Variants in TCF12 observed in about 807,000 individuals in gnomAD.
TCF12 encodes the protein transcription factor 12.
In TCF12, 45 loss-of-function variants were observed where a neutral mutation model predicts 86.0. The observed-to-expected ratio is 0.52, with a 90% CI of 0.41 to 0.67. TCF12 has a LOEUF of 0.67. Among genes scored for constraint, TCF12 ranks in the 30% least tolerant of loss-of-function variants. TCF12 has a pLI of 0.00. For synonymous variants in TCF12, 330 were observed against 299.6 expected (o/e 1.10, Z -1.05); for missense variants, 881 against 859.9 (o/e 1.02, Z -0.31).
intron 4 of TCF12, among the ~76,000 whole-genome samples, chr15:57,070,453 T>C (rs1351042928): frequency 6.6e-6 from 1 of 152,164 alleles, no homozygotes; most frequent in African/African-American, 2.4e-5. Context: ...AAGCCATAGA[T>C]TGGGGCCTTG....
At chr15:56,935,176 A>G (rs1430692687) in intron 3 of TCF12, among the ~76,000 whole-genome samples, 1 of 152,188 alleles carries the variant, frequency 6.6e-6, no homozygotes, top group African/African-American at 2.4e-5. Flanking sequence ...GCTACTGGAC[A>G]TTGCAGTAGT....
intron 3 of TCF12, among the ~76,000 whole-genome samples, chr15:56,951,083 T>G (rs763369191): frequency 1.2e-4 from 19 of 152,166 alleles, no homozygotes; most frequent in Non-Finnish European, 2.6e-4. Flanking sequence ...TGCAAGTCTT[T>G]ATGTGGACAT....
At chr15:57,199,607 T>TA (rs1348459496) in intron 8 of TCF12, among the ~76,000 whole-genome samples, 2 of 152,182 alleles carry the variant, frequency 1.3e-5, no homozygotes, top group Admixed American at 1.3e-4. Flanking sequence ...CAGCATTTCT[T>TA]ACATTCGTAA....
chr15:56,950,745 G>GCTTTTTTTTTTTTTT lies in TCF12; in HGVS notation c.148+29647_148+29648insCTTTTTTTTTTTTTT, dbSNP rs1555455322. On this transcript the variant is annotated intron_variant, in intron 3 of 20. Coordinates refer to ENST00000333725, the MANE Select transcript of TCF12 (RefSeq NM_207037.2). ...TTACAAATAAAGCTATTATGACCAT[G>GCTTTTTTTTTTTTTT]TTTTTTTTTTTTTTTTTTTTTTTTT... Among the ~76,000 whole-genome samples the GCTTTTTTTTTTTTTT allele has an allele frequency of 7.0e-5, 6 of 85,922 alleles. 3 individuals carry two copies. Among genetic ancestry groups the GCTTTTTTTTTTTTTT allele is most frequent in the African/African-American group, 2.1e-4 (4 of 19,174 alleles). The allele number at this position is 85,922 out of a possible 152,430, so 56.4% of individuals were successfully genotyped here. A position where few individuals can be genotyped will look rare whatever the true frequency, so the allele number is the denominator to read the frequency against.
intron 3 of TCF12, 97 bp from the exon 4 acceptor site, chr15:57,063,653 C>A: frequency 1.1e-6 from 1 of 935,900 alleles, no homozygotes; most frequent in Non-Finnish European, 1.6e-6. Context: ...CACGAAAGCG[C>A]AAATACCACT....
intron 3 of TCF12, among the ~76,000 whole-genome samples, chr15:56,979,958 T>C (rs2062807382): frequency 6.6e-6 from 1 of 152,232 alleles, no homozygotes; most frequent in South Asian, 2.1e-4. Context: ...TTCCTTAGTA[T>C]GTCCAGCTTT....
intron 5 of TCF12, among the ~76,000 whole-genome samples, chr15:57,092,192 T>C (rs2049034237): frequency 6.6e-6 from 1 of 152,178 alleles, no homozygotes; most frequent in Non-Finnish European, 1.5e-5. Flanking sequence ...AGAGAAGTAT[T>C]GTTTTAGGGG....
At chr15:57,031,897 C>T (rs539293230) in intron 3 of TCF12, among the ~76,000 whole-genome samples, 3 of 152,274 alleles carry the variant, frequency 2.0e-5, no homozygotes, top group Non-Finnish European at 4.4e-5. Flanking sequence ...AGCTGACAGC[C>T]GTTGCATGCA....
chr15:57,219,690 C>T, intron 8 of TCF12: 4 of 947,136 alleles, frequency 4.2e-6, no homozygotes, highest in South Asian at 1.8e-5. Flanking sequence ...TTGTTTTATC[C>T]TTTTATGCAA....
intron 3 of TCF12, among the ~76,000 whole-genome samples, chr15:56,944,971 G>C (rs563690790): frequency 1.3e-5 from 2 of 152,112 alleles, no homozygotes; most frequent in African/African-American, 4.8e-5. Flanking sequence ...TGCAATACAT[G>C]AACATATCTC....
intron 8 of TCF12, chr15:57,219,375 T>G: frequency 7.7e-7 from 1 of 1,304,814 alleles, no homozygotes; most frequent in Non-Finnish European, 9.9e-7. Flanking sequence ...GTGAGTTGGT[T>G]CAGTCCTATT....
At chr15:57,035,457 G>A (rs1453932798) in intron 3 of TCF12, among the ~76,000 whole-genome samples, 1 of 152,012 alleles carries the variant, frequency 6.6e-6, no homozygotes, top group African/African-American at 2.4e-5. Context: ...TGTAGAGACG[G>A]GATCTCACTA....
At chr15:57,086,078 G>T (rs575893606) in intron 4 of TCF12, among the ~76,000 whole-genome samples, 1 of 151,886 alleles carries the variant, frequency 6.6e-6, no homozygotes, top group Admixed American at 6.6e-5. Flanking sequence ...CCCTCCCTTT[G>T]TCATTTGTTC....
chr15:57,146,027 AAAAAAC>A (rs2053337417), intron 5 of TCF12, among the ~76,000 whole-genome samples: 1 of 152,230 alleles, frequency 6.6e-6, no homozygotes, highest in Non-Finnish European at 1.5e-5. Context: ...GAGTGGAGTT[AAAAAAC>A]ATGAATGATG....
chr15:57,005,687 G>A (rs2064328416), intron 3 of TCF12, among the ~76,000 whole-genome samples: 1 of 152,042 alleles, frequency 6.6e-6, no homozygotes, highest in Non-Finnish European at 1.5e-5. Context: ...TCTTACTTCA[G>A]CCTCCTGAGT....
chr15:57,282,445 A>T lies in TCF12; in HGVS notation c.1979A>T (p.Glu660Val). 1 of 1,614,226 alleles carries T rather than the reference A, an allele frequency of 6.2e-7. No individual in the cohort carries two copies. Among genetic ancestry groups the T allele is most frequent in the Non-Finnish European group, 8.5e-7 (1 of 1,180,052 alleles). Residue 660 changes from glutamate to valine, a missense_variant and splice_region_variant, in exon 20 of 21, where the codon GAG (glutamate) becomes GTG (valine). Around this residue, in one of 3 missense-constraint regions of TCF12, gnomAD observed 69 missense variants for 64.2 expected, o/e 1.07. Coordinates refer to ENST00000333725, the MANE Select transcript of TCF12 (RefSeq NM_207037.2). ...TAAAAATTCTTTCCCCCTGTTTTAG[A>T]GAGGAACCTTAACCCCAAAGCAGCC... ...VILSLEQQVR[E>V]RNLNPKAACL... is the part of the protein sequence containing the mutation.
chr15:57,179,193 G>A (rs1237436885), intron 6 of TCF12, among the ~76,000 whole-genome samples: 2 of 152,072 alleles, frequency 1.3e-5, no homozygotes, highest in Non-Finnish European at 2.9e-5. Context: ...GTGCTAGAAA[G>A]ACTGGGCTGA....
In TCF12 at chr15:57,102,152, A is replaced by G. The variant is rs1185651317; in HGVS notation, c.325+10261A>G. 3.9e-5 allele frequency among the ~76,000 whole-genome samples: 6 copies of G among 152,220 alleles called. No individual in the cohort carries two copies. The East Asian group carries it at 7.7e-4, about 20-fold the overall frequency. On this transcript the variant is annotated intron_variant, in intron 5 of 20. Coordinates refer to ENST00000333725, the MANE Select transcript of TCF12 (RefSeq NM_207037.2). Reference sequence around the variant, plus strand: ...ACTACTTACATGGTTAAATAGCTATATAAGTACTTATATATCATTGATTTG... The same window carrying G: ...ACTACTTACATGGTTAAATAGCTATGTAAGTACTTATATATCATTGATTTG...
At chr15:57,014,669 G>A (rs894822866) in intron 3 of TCF12, among the ~76,000 whole-genome samples, 7 of 152,086 alleles carry the variant, frequency 4.6e-5, no homozygotes, top group African/African-American at 7.2e-5. Context: ...CCCTCCAGGT[G>A]GCAGCCTACC....
Sources: gnomAD v4.1 joint callset for allele counts (sites outside exome capture counted in the v4.1 genomes callset) on GRCh38, gnomAD v4.1.1 for gene constraint, gnomAD v4.1.1 regional missense constraint, MANE v1.5 for transcripts, NCBI Gene and HGNC (gene_info 2026-07-23, HGNC 2026-07-21) for gene names.